COL4A5: variants seen among roughly 807,000 people sequenced by gnomAD.
COL4A5 encodes the protein collagen type IV alpha 5 chain.
Under a neutral mutation model 130.2 loss-of-function variants are expected in COL4A5, and 26 were observed. The ratio of observed to expected loss-of-function variants is 0.20; its 90% CI spans 0.15 to 0.28. The LOEUF is 0.28. COL4A5 is among the 10% of genes least tolerant of loss of function. COL4A5 has a pLI of 1.00. For synonymous variants in COL4A5, 496 were observed against 439.6 expected, an observed-to-expected ratio of 1.13 and a Z score of -1.60; for missense variants, 1,131 against 1,344.3, an observed-to-expected ratio of 0.84 and a Z score of 2.48.
In COL4A5 at chrX:108,477,417, T is replaced by A. The variant is rs1225921045; in HGVS notation, c.81+37211T>A. On this transcript the variant is annotated intron_variant, in intron 1 of 52. Coordinates refer to ENST00000328300, the MANE Select transcript of COL4A5 (RefSeq NM_033380.3). ...ACATAAAGTTAACATACTTAAATGC[T>A]GATATGAAGTCAATAAATCGTACAT... is the stretch of plus-strand genomic sequence containing the variant. 1.4e-4 allele frequency among the ~76,000 whole-genome samples: 16 copies of A among 112,081 alleles called. No homozygotes were observed. The Admixed American group carries it at 1.5e-3, about 11-fold the overall frequency.
At chrX:108,577,229 A>G (rs915804824) in intron 10 of COL4A5, among the ~76,000 whole-genome samples, 8 of 108,677 alleles carry the variant, frequency 7.4e-5, no homozygotes, top group Non-Finnish European at 1.5e-4. Flanking sequence ...AAAATTAGCC[A>G]GGCATGATGG....
chrX:108,562,351 T>C (rs1445632149), intron 3 of COL4A5, among the ~76,000 whole-genome samples: 1 of 112,007 alleles, frequency 8.9e-6, no homozygotes, highest in Non-Finnish European at 1.9e-5. Flanking sequence ...CTGAGTTTAC[T>C]TGGGATTAGG....
intron 29 of COL4A5, among the ~76,000 whole-genome samples, chrX:108,607,105 T>A (rs28379540): frequency 9.2e-6 from 1 of 109,060 alleles, no homozygotes. Context: ...GGTGGCTCAC[T>A]CCTGTAATCC....
intron 1 of COL4A5, among the ~76,000 whole-genome samples, chrX:108,446,571 G>C (rs1368189986): frequency 8.9e-6 from 1 of 111,768 alleles, no homozygotes; most frequent in Non-Finnish European, 1.9e-5. Context: ...TGGTTACTAT[G>C]TTATATCCTG....
intron 1 of COL4A5, among the ~76,000 whole-genome samples, chrX:108,505,103 G>A (rs1810892942): frequency 9.0e-6 from 1 of 111,426 alleles, no homozygotes; most frequent in South Asian, 3.7e-4. Flanking sequence ...GAAACTGGAG[G>A]CCATTATTTT....
chrX:108,541,856 C>T (rs1451197976), intron 2 of COL4A5, among the ~76,000 whole-genome samples: 1 of 111,890 alleles, frequency 8.9e-6, no homozygotes, highest in Admixed American at 9.5e-5. Flanking sequence ...AATCAATACT[C>T]TTCAGAGGAA....
At chrX:108,629,114 A>C (rs1325939240) in intron 36 of COL4A5, among the ~76,000 whole-genome samples, 3 of 111,634 alleles carry the variant, frequency 2.7e-5, no homozygotes, top group African/African-American at 9.8e-5. Flanking sequence ...CTGAGGTGTG[A>C]GCATACCTGA....
chrX:108,694,336 A>G (rs1480422273), intron 50 of COL4A5: 1 of 147,373 alleles, frequency 6.8e-6, no homozygotes, highest in Admixed American at 7.7e-5. Context: ...TCAAATGTTT[A>G]TAAATGTCCT....
chrX:108,520,902 A>C (rs1251283536), intron 1 of COL4A5, among the ~76,000 whole-genome samples: 1 of 111,819 alleles, frequency 8.9e-6, no homozygotes, highest in African/African-American at 3.2e-5. Flanking sequence ...ATATTCATCT[A>C]GATTCAACAC....
chrX:108,479,005 T>G (rs2064863211), intron 1 of COL4A5, among the ~76,000 whole-genome samples: 1 of 112,030 alleles, frequency 8.9e-6, no homozygotes, highest in South Asian at 3.8e-4. Flanking sequence ...AGGTCAGCAT[T>G]GATGAGTGCA....
At chrX:108,589,968 G>A (rs1323731489) in intron 19 of COL4A5, among the ~76,000 whole-genome samples, 1 of 111,391 alleles carries the variant, frequency 9.0e-6, no homozygotes, top group Non-Finnish European at 1.9e-5. Context: ...TAAAAACTGG[G>A]CAAAAGACAT....
chrX:108,578,414 T>C (rs2066190738), intron 13 of COL4A5, 31 bp downstream of exon 13: 1 of 1,005,965 alleles, frequency 9.9e-7, no homozygotes, highest in Admixed American at 2.2e-5. Context: ...TCAATGAAAA[T>C]CTTGCTATGG....
intron 30 of COL4A5, among the ~76,000 whole-genome samples, chrX:108,617,874 A>G (rs1023346817): frequency 1.8e-5 from 2 of 111,989 alleles, no homozygotes; most frequent in Non-Finnish European, 3.8e-5. Flanking sequence ...CAAAACAAAC[A>G]AAACAACAAC....
intron 1 of COL4A5, among the ~76,000 whole-genome samples, chrX:108,482,386 T>C (rs2064900944): frequency 9.0e-6 from 1 of 111,296 alleles, no homozygotes; most frequent in African/African-American, 3.3e-5. Context: ...GGCAATTGCC[T>C]CAGGGGAGGC....
At chrX:108,584,371 A>C in intron 17 of COL4A5, 113 bp from the exon 18 acceptor site, 1 of 622,953 alleles carries the variant, frequency 1.6e-6, no homozygotes. Context: ...TTCTCATTTG[A>C]GGTATTTTAT....
At chrX:108,571,924 G>A (rs940206855) in intron 8 of COL4A5, 87 bp downstream of exon 8, 2 of 740,941 alleles carry the variant, frequency 2.7e-6, no homozygotes, top group South Asian at 2.2e-5. Flanking sequence ...TCAAACTTCT[G>A]TCTTAAAATC....
chrX:108,667,056 C>A, intron 39 of COL4A5, 77 bp from the exon 40 acceptor site: 1 of 952,578 alleles, frequency 1.0e-6, no homozygotes, highest in Non-Finnish European at 1.5e-6. Context: ...CCTCAATGAT[C>A]TAAAAATAAT....
At chrX:108,592,755 G>A (rs1286041914) in intron 21 of COL4A5, among the ~76,000 whole-genome samples, 1 of 104,406 alleles carries the variant, frequency 9.6e-6, no homozygotes, top group East Asian at 3.0e-4. Flanking sequence ...CCTCTGTGGT[G>A]TACATATATG....
intron 1 of COL4A5, among the ~76,000 whole-genome samples, chrX:108,532,285 C>A (rs989905111): frequency 8.1e-5 from 9 of 111,673 alleles, no homozygotes; most frequent in African/African-American, 2.9e-4. Flanking sequence ...CTTTGCAAAT[C>A]AATAAATGTG....
Sources: allele counts gnomAD v4.1 joint callset (sites outside exome capture counted in the v4.1 genomes callset), GRCh38; gene constraint gnomAD v4.1.1; transcripts MANE v1.5; gene names NCBI Gene and HGNC (gene_info 2026-07-23, HGNC 2026-07-21).